Variants in SORCS3 observed in about 807,000 individuals in gnomAD.
SORCS3 encodes VPS10 domain-containing receptor SorCS3.
Under a neutral mutation model 146.3 loss-of-function variants are expected in SORCS3, and 57 were observed. The observed-to-expected ratio is 0.39, with a 90% CI of 0.31 to 0.49. The LOEUF (loss-of-function observed/expected upper bound fraction) is 0.49, where lower values mean the gene tolerates loss of function less well. Among genes scored for constraint, SORCS3 ranks in the 20% least tolerant of loss-of-function variants. The probability of loss-of-function intolerance (pLI) is 0.92; values close to 1 mark genes in which losing one functional copy is unlikely to be tolerated. For synonymous variants in SORCS3, 653 were observed against 618.5 expected, an observed-to-expected ratio of 1.06 and a Z score of -0.83; for missense variants, 1,341 against 1,575.5, an observed-to-expected ratio of 0.85 and a Z score of 2.52.
chr10:104,687,862 CT>C, intron 1 of SORCS3, among the ~76,000 whole-genome samples: 1 of 152,264 alleles, frequency 6.6e-6, no homozygotes, highest in East Asian at 1.9e-4. Context: ...AATAATAGTA[CT>C]GAAAACATAT....
At chr10:104,697,924 T>C (rs1172868987) in intron 1 of SORCS3, among the ~76,000 whole-genome samples, 1 of 152,176 alleles carries the variant, frequency 6.6e-6, no homozygotes, top group Non-Finnish European at 1.5e-5. Context: ...TGGTCCTGCC[T>C]CTGGTTTAAT....
intron 16 of SORCS3, among the ~76,000 whole-genome samples, chr10:105,209,458 T>C (rs1326359265): frequency 6.6e-6 from 1 of 152,182 alleles, no homozygotes; most frequent in Non-Finnish European, 1.5e-5. Context: ...TGCTTTCTAA[T>C]GTAATTGGAA....
chr10:105,186,422 C>T (rs982907883), intron 14 of SORCS3, among the ~76,000 whole-genome samples: 2 of 152,056 alleles, frequency 1.3e-5, no homozygotes, highest in African/African-American at 4.8e-5. Flanking sequence ...CTGTTGGACT[C>T]GATGGCAAAC....
At chr10:104,983,296 G>A (rs12254214) in intron 4 of SORCS3, among the ~76,000 whole-genome samples, 35 of 151,246 alleles carry the variant, frequency 2.3e-4, no homozygotes, top group Admixed American at 9.9e-4. Flanking sequence ...ACCATGCACC[G>A]CACCCAGCCC....
rs1439521775 is a variant in SORCS3, at chr10:105,109,869, T to C, written c.1212+4354T>C. ...TGCCTTGTGGTTGGCCATAATGTAC[T>C]GATTCTTCTGGAATATTAATTTTTT... On this transcript the variant is annotated intron_variant, in intron 7 of 26. Coordinates refer to ENST00000369701, the MANE Select transcript of SORCS3 (RefSeq NM_014978.3). 3.3e-5 allele frequency among the ~76,000 whole-genome samples: 5 copies of C among 152,240 alleles called. No individual in the cohort carries two copies. The East Asian group carries it at 9.6e-4, about 29-fold the overall frequency.
At chr10:105,061,546 C>T (rs1256933794) in intron 5 of SORCS3, among the ~76,000 whole-genome samples, 4 of 151,488 alleles carry the variant, frequency 2.6e-5, no homozygotes, top group Non-Finnish European at 4.4e-5. Flanking sequence ...CCACCTGCCT[C>T]GGCCCCCCAA....
At chr10:105,022,927 AC>A (rs1367990140) in intron 4 of SORCS3, among the ~76,000 whole-genome samples, 63 of 152,278 alleles carry the variant, frequency 4.1e-4, no homozygotes, top group Non-Finnish European at 2.9e-5. Flanking sequence ...AATAAAAAGG[AC>A]TTGAGAAGAA....
At chr10:105,235,936 T>C (rs1471555885) in intron 20 of SORCS3, among the ~76,000 whole-genome samples, 1 of 152,120 alleles carries the variant, frequency 6.6e-6, no homozygotes, top group Non-Finnish European at 1.5e-5. Context: ...AACTATACTA[T>C]TTACTTGGCA....
At chr10:104,901,417 T>A (rs186055477) in intron 2 of SORCS3, among the ~76,000 whole-genome samples, 95 of 152,358 alleles carry the variant, frequency 6.2e-4, no homozygotes, top group Non-Finnish European at 1.1e-3. Context: ...ATATTCCATT[T>A]GGCTTAATTG....
At chr10:104,642,397 C>G (rs535274066) in intron 1 of SORCS3, among the ~76,000 whole-genome samples, 2,612 of 141,856 alleles carry the variant, frequency 0.018, 34 homozygotes, top group Non-Finnish European at 0.026. Context: ...CCCCCACCCC[C>G]CCTCCCGTCA....
chr10:104,734,645 C>A (rs2016747809), intron 1 of SORCS3, among the ~76,000 whole-genome samples: 1 of 152,228 alleles, frequency 6.6e-6, no homozygotes, highest in African/African-American at 2.4e-5. Flanking sequence ...GAGAATGAGT[C>A]ATGAGGGATC....
chr10:104,978,794 A>G (rs1302591602), intron 4 of SORCS3, among the ~76,000 whole-genome samples: 1 of 152,168 alleles, frequency 6.6e-6, no homozygotes, highest in African/African-American at 2.4e-5. Flanking sequence ...TCCCAAATAT[A>G]ATGATTGTGT....
intron 2 of SORCS3, among the ~76,000 whole-genome samples, chr10:104,906,101 G>T (rs1345547041): frequency 6.6e-6 from 1 of 152,162 alleles, no homozygotes; most frequent in Non-Finnish European, 1.5e-5. Context: ...TTGTGCACAT[G>T]TCACAGGGCC....
chr10:104,761,995 C>T (rs182779733), intron 1 of SORCS3, among the ~76,000 whole-genome samples: 4 of 152,146 alleles, frequency 2.6e-5, no homozygotes, highest in Admixed American at 6.5e-5. Context: ...TCTAAACTTC[C>T]GAAACCAAAT....
chr10:105,122,484 T>C (rs12098620), intron 7 of SORCS3, among the ~76,000 whole-genome samples: 3,747 of 152,282 alleles, frequency 0.025, 156 homozygotes, highest in African/African-American at 0.085. Context: ...CTGTGACTGG[T>C]TCTCTCTGTG....
At chr10:104,711,982 C>G (rs1239406962) in intron 1 of SORCS3, among the ~76,000 whole-genome samples, 2 of 152,196 alleles carry the variant, frequency 1.3e-5, no homozygotes, top group East Asian at 3.8e-4. Flanking sequence ...TGGCACCCTT[C>G]CAATAACCAA....
chr10:105,034,318 G>A (rs2055291246), intron 4 of SORCS3, among the ~76,000 whole-genome samples: 1 of 152,122 alleles, frequency 6.6e-6, no homozygotes, highest in African/African-American at 2.4e-5. Context: ...TCTAGATAGA[G>A]GGAGTAGCAT....
At chr10:105,069,908 G>A (rs11192305) in intron 5 of SORCS3, among the ~76,000 whole-genome samples, 27 of 151,826 alleles carry the variant, frequency 1.8e-4, no homozygotes, top group South Asian at 1.0e-3. Context: ...AGTCTCCCCC[G>A]CCCCGATCCC....
At chr10:105,192,186 G>C (rs1292853528) in intron 14 of SORCS3, among the ~76,000 whole-genome samples, 1 of 152,040 alleles carries the variant, frequency 6.6e-6, no homozygotes, top group Admixed American at 6.6e-5. Context: ...GAATCATTTT[G>C]TTTCTTAAAG....
Sources: gnomAD v4.1 joint callset for allele counts (sites outside exome capture counted in the v4.1 genomes callset) on GRCh38, gnomAD v4.1.1 for gene constraint, MANE v1.5 for transcripts, NCBI Gene and HGNC (gene_info 2026-07-23, HGNC 2026-07-21) for gene names.